The following VPS13B variants were observed in gnomAD, a reference collection of about 807,000 sequenced individuals.
VPS13B encodes intermembrane lipid transfer protein VPS13B.
A neutral mutation model predicts 426.4 loss-of-function variants in VPS13B; 285 were observed. The ratio of observed to expected loss-of-function variants is 0.67; its 90% CI spans 0.61 to 0.74. The LOEUF is 0.74. VPS13B is among the 30% of genes least tolerant of loss of function. The pLI, the probability that VPS13B is intolerant of heterozygous loss-of-function variation, is 0.00. For synonymous variants in VPS13B, 1,676 were observed against 1,676.4 expected (o/e 1.00, Z 0.01); for missense variants, 4,537 against 4,782.6 (o/e 0.95, Z 1.51).
Position 99,275,195 on chromosome 8 carries a change from C to T in VPS13B, c.2765C>T (p.Pro922Leu), listed in dbSNP as rs1378379268. ...ESRKPESLLA[P>L]DLMAFTIQVP... Reference sequence around the variant, plus strand: ...AGAAAGCCAGAGTCTCTCTTAGCTCCAGATTTGATGGCCTTCACAATCCAA... The same window carrying T: ...AGAAAGCCAGAGTCTCTCTTAGCTCTAGATTTGATGGCCTTCACAATCCAA... The change falls in exon 19 of 62, where the codon CCA (proline) becomes CTA (leucine). Residue 922 changes from proline to leucine, a missense_variant. Around this residue, in one of 2 missense-constraint regions of VPS13B, gnomAD observed 4,311 missense variants for 4,474.3 expected, o/e 0.96. Transcript: ENST00000357162. The T allele has an allele frequency of 6.2e-7, 1 of 1,612,888 alleles. No individual in the cohort carries two copies. The highest frequency in any genetic ancestry group is 2.2e-5 in the East Asian group (1 of 44,768).
chr8:99,405,001 A>T (rs1815248077), intron 21 of VPS13B, among the ~76,000 whole-genome samples: 1 of 152,220 alleles, frequency 6.6e-6, no homozygotes, highest in South Asian at 2.1e-4. Flanking sequence ...ATAAGTTTCT[A>T]GCCTTGTGGT....
intron 33 of VPS13B, chr8:99,577,877 T>A (rs1825850668): frequency 2.0e-6 from 1 of 496,914 alleles, no homozygotes; most frequent in African/African-American, 1.9e-5. Context: ...GAGGAACCTC[T>A]GTTATATACA....
At position 99,821,396 on chromosome 8, in the gene VPS13B, G is replaced by A; in HGVS notation, c.9097G>A (p.Gly3033Arg). The A allele has an allele frequency of 3.7e-6, 6 of 1,613,822 alleles. No individual in the cohort carries two copies. The highest frequency in any genetic ancestry group is 1.1e-5 in the South Asian group (1 of 91,066). The change falls in exon 50 of 62, where the codon GGA (glycine) becomes AGA (arginine). Residue 3033 changes from glycine to arginine, a missense_variant. Coordinates refer to ENST00000357162, the MANE Select transcript of VPS13B (RefSeq NM_152564.5). The part of the protein sequence containing the change: ...HNLTSPKWKD[G>R]GNGEVVTLDE... ...CCTGACATCTCCAAAGTGGAAAGAT[G>A]GAGGTAATGGTGAAGTTGTGACACT...
intron 36 of VPS13B, among the ~76,000 whole-genome samples, chr8:99,709,677 T>G (rs923609523): frequency 2.6e-5 from 4 of 152,210 alleles, no homozygotes; most frequent in African/African-American, 9.6e-5. Context: ...CAGGAAAGCA[T>G]TCTGTTGAAG....
At chr8:99,318,229 A>T (rs543392805) in intron 19 of VPS13B, among the ~76,000 whole-genome samples, 1 of 152,336 alleles carries the variant, frequency 6.6e-6, no homozygotes, top group South Asian at 2.1e-4. Context: ...TGATGTGCTT[A>T]TTCAGTTCAT....
rs1843549164 is a variant in VPS13B at position 99,051,471 on chromosome 8, C to T, written c.291+12905C>T. 2.0e-5 allele frequency among the ~76,000 whole-genome samples: 3 copies of T among 151,698 alleles called. No homozygotes were observed. In the South Asian group the frequency reaches 6.3e-4, roughly 32 times the overall value. On this transcript the variant is annotated intron_variant, in intron 3 of 61. Coordinates refer to ENST00000357162, the MANE Select transcript of VPS13B (RefSeq NM_152564.5). ...TTTGAAGTCAGGTAGCATGATGCCTCCAGCTTTGTTCTTTTGGCTTAGGAT... is the reference window on the plus strand; with the variant it reads ...TTTGAAGTCAGGTAGCATGATGCCTTCAGCTTTGTTCTTTTGGCTTAGGAT...
Position 99,688,818 on chromosome 8 carries a change from C to T in VPS13B, c.6047-10707C>T, listed in dbSNP as rs1376128618. On this transcript the variant is annotated intron_variant, in intron 35 of 61. Transcript: ENST00000357162. ...AGCCTTCAGCGTGAACATCCAGCAT[C>T]CCAACAAGGTACAGAAGCTTATATA... Among the ~76,000 whole-genome samples, 4 of 151,930 alleles carry T rather than the reference C, an allele frequency of 2.6e-5. 1 individual carries two copies. The highest frequency in any genetic ancestry group is 1.3e-4 in the Admixed American group (2 of 15,258).
intron 30 of VPS13B, among the ~76,000 whole-genome samples, chr8:99,542,328 G>A (rs1014655890): frequency 3.3e-5 from 5 of 152,202 alleles, no homozygotes; most frequent in Non-Finnish European, 5.9e-5. Context: ...ATTATGGTTA[G>A]TGGATAAGGG....
At chr8:99,497,853 T>G (rs1209819014) in intron 25 of VPS13B, among the ~76,000 whole-genome samples, 2 of 152,160 alleles carry the variant, frequency 1.3e-5, no homozygotes, top group Non-Finnish European at 2.9e-5. Context: ...CTCCTGAAAA[T>G]ACTTATGTCA....
At chr8:99,403,398 A>G (rs1453582123) in intron 21 of VPS13B, among the ~76,000 whole-genome samples, 2 of 152,050 alleles carry the variant, frequency 1.3e-5, no homozygotes, top group African/African-American at 4.8e-5. Flanking sequence ...AAAATACAAA[A>G]ATTAGCCAGG....
intron 39 of VPS13B, among the ~76,000 whole-genome samples, chr8:99,760,883 T>C (rs932261209): frequency 2.0e-5 from 3 of 152,200 alleles, no homozygotes; most frequent in African/African-American, 7.2e-5. Flanking sequence ...TTAGGTATCA[T>C]GAGGAATCTG....
intron 3 of VPS13B, among the ~76,000 whole-genome samples, chr8:99,049,127 T>G (rs1843387789): frequency 6.6e-6 from 1 of 152,212 alleles, no homozygotes; most frequent in Middle Eastern, 3.2e-3. Context: ...CTTTATCTTT[T>G]AAGTGGTGCT....
At chr8:99,132,758 A>G (rs1204400752) in intron 8 of VPS13B, among the ~76,000 whole-genome samples, 1 of 152,206 alleles carries the variant, frequency 6.6e-6, no homozygotes, top group Non-Finnish European at 1.5e-5. Context: ...TGTCTCCATC[A>G]GAGGTGTAGG....
At chr8:99,144,102 G>A (rs1258642545) in intron 13 of VPS13B, among the ~76,000 whole-genome samples, 1 of 152,058 alleles carries the variant, frequency 6.6e-6, no homozygotes, top group East Asian at 1.9e-4. Context: ...TGCATGCTGA[G>A]GATGACAGAG....
chr8:99,070,152 A>G (rs1443811857), intron 3 of VPS13B, among the ~76,000 whole-genome samples: 3 of 152,162 alleles, frequency 2.0e-5, no homozygotes, highest in Non-Finnish European at 4.4e-5. Context: ...GGGCTTAAGC[A>G]GTCCTCCTGC....
chr8:99,633,959 A>G (rs1828966390), intron 33 of VPS13B, among the ~76,000 whole-genome samples: 1 of 151,990 alleles, frequency 6.6e-6, no homozygotes, highest in South Asian at 2.1e-4. Flanking sequence ...CCTATTCACT[A>G]TATATGTGAG....
intron 30 of VPS13B, among the ~76,000 whole-genome samples, chr8:99,543,875 C>T (rs28817976): frequency 1.4e-5 from 2 of 145,728 alleles, no homozygotes; most frequent in Non-Finnish European, 3.0e-5. Context: ...GGACTGTAAA[C>T]TAGTTCAACC....
chr8:99,240,840 C>T (rs1349544297), intron 17 of VPS13B: 1 of 152,612 alleles, frequency 6.6e-6, no homozygotes, highest in East Asian at 1.9e-4. Context: ...AAAATACTAA[C>T]CCATATTGTT....
chr8:99,411,755 G>T (rs1815676676), intron 21 of VPS13B, among the ~76,000 whole-genome samples: 2 of 152,006 alleles, frequency 1.3e-5, no homozygotes, highest in Admixed American at 6.6e-5. Flanking sequence ...GTAAAGAAGG[G>T]CCCAGTTTCA....
Sources: gnomAD v4.1 joint callset for allele counts (sites outside exome capture counted in the v4.1 genomes callset) on GRCh38, gnomAD v4.1.1 for gene constraint, gnomAD v4.1.1 regional missense constraint, MANE v1.5 for transcripts, NCBI Gene and HGNC (gene_info 2026-07-23, HGNC 2026-07-21) for gene names.